Variants in C19orf25 observed in about 807,000 individuals in gnomAD.
C19orf25 encodes the protein UPF0449 protein C19orf25.
Under a neutral mutation model 3.1 loss-of-function variants are expected in C19orf25, and 1 was observed. The observed-to-expected ratio is 0.32, with a 90% CI of 0.12 to 1.54. The LOEUF (loss-of-function observed/expected upper bound fraction) is 1.54, where lower values mean the gene tolerates loss of function less well. Among genes scored for constraint, C19orf25 ranks in the 40% most tolerant of loss-of-function variants. C19orf25 has a pLI of 0.38. For missense variants in C19orf25, 196 were observed against 160.4 expected (o/e 1.22, Z -1.20); for synonymous variants, 91 against 74.3 (o/e 1.23, Z -1.16).
rs541107674 is a variant in C19orf25 at position 1,474,518 on chromosome 19, G to T, written c.*514C>A. ...CCCAGCGGCCCAGGGTCGTTGTGAA[G>T]ATCAACGTGGCTTGTGGGAGGAGCC... On this transcript the variant is annotated 3_prime_UTR_variant, in exon 3 of 3. Coordinates refer to ENST00000585675, the MANE Select transcript of C19orf25 (RefSeq NM_152482.3). 11 of 306,492 alleles carry T rather than the reference G, an allele frequency of 3.6e-5. No homozygotes were observed. The South Asian group carries it at 1.1e-3, about 30-fold the overall frequency. The allele number at this position is 306,492 out of a possible 1,614,324, so 19.0% of individuals were successfully genotyped here. A position where few individuals can be genotyped will look rare whatever the true frequency, so the allele number is the denominator to read the frequency against.
At chr19:1,478,560 C>T (rs1296695779) in intron 2 of C19orf25, 5 of 1,371,596 alleles carry the variant, frequency 3.6e-6, no homozygotes, top group South Asian at 1.7e-5. Flanking sequence ...AGGCCTGAAC[C>T]ACAGCGCCCG....
chr19:1,475,051 T>G lies in C19orf25; in HGVS notation c.338A>C (p.Glu113Ala), dbSNP rs760549850. 20 of 1,595,056 alleles carry G rather than the reference T, an allele frequency of 1.3e-5. No individual in the cohort carries two copies. In the African/African-American group the frequency reaches 2.7e-4, roughly 21 times the overall value. ...GAGAGGTCAGCCTGAGGAGGCAGCC[T>G]CGGCTGCCGGTAATGCTGCCTGCTT... ...QMKQAALPAA[E>A]AASSG is the part of the protein sequence containing the mutation. The change falls in exon 3 of 3, where the codon GAG becomes GCG. Residue 113 changes from glutamate (E) to alanine (A), a missense_variant. By Grantham distance (107) the Glu-to-Ala change is moderately radical (BLOSUM62 -1). Coordinates refer to ENST00000585675, the MANE Select transcript of C19orf25 (RefSeq NM_152482.3).
chr19:1,474,523 A>G lies in C19orf25; in HGVS notation c.*509T>C, dbSNP rs1269646157. On this transcript the variant is annotated 3_prime_UTR_variant, in exon 3 of 3. Transcript: ENST00000585675. The stretch of plus-strand genomic sequence containing the variant: ...CGGCCCAGGGTCGTTGTGAAGATCA[A>G]CGTGGCTTGTGGGAGGAGCCCGGGG... 2.5e-5 allele frequency: 8 copies of G among 314,410 alleles called. No homozygotes were observed. Among genetic ancestry groups the G allele is most frequent in the Non-Finnish European group, 4.7e-5 (8 of 169,904 alleles). The allele number at this position is 314,410 out of a possible 1,614,324, so 19.5% of individuals were successfully genotyped here.
At chr19:1,478,418 T>G (rs1599179797) in intron 2 of C19orf25, 4 of 247,014 alleles carry the variant, frequency 1.6e-5, no homozygotes, top group Non-Finnish European at 1.4e-5. Flanking sequence ...CTCTGTTTTG[T>G]TTTTGTTTTT....
chr19:1,478,730 C>A, intron 2 of C19orf25, 44 bp downstream of exon 2: 1 of 1,538,136 alleles, frequency 6.5e-7, no homozygotes, highest in Non-Finnish European at 8.8e-7. Flanking sequence ...CCCTTGCTGC[C>A]GGGGTCTCAG....
chr19:1,474,801 C>T lies in C19orf25; in HGVS notation c.*231G>A. 2.1e-6 allele frequency: 3 copies of T among 1,439,486 alleles called. No individual in the cohort carries two copies. The highest frequency in any genetic ancestry group is 2.7e-6 in the Non-Finnish European group (3 of 1,098,894). The allele number at this position is 1,439,486 out of a possible 1,614,324, so 89.2% of individuals were successfully genotyped here. ...ATAATGTCCCTATCCTCTTCCAGAA[C>T]CCCAGTGGGGCCCTCAGGTCACGCA... On this transcript the variant is annotated 3_prime_UTR_variant, in exon 3 of 3. Coordinates refer to ENST00000585675, the MANE Select transcript of C19orf25 (RefSeq NM_152482.3).
intron 1 of C19orf25, 124 bp from the exon 2 acceptor site, chr19:1,479,029 G>A: frequency 1.5e-6 from 2 of 1,364,436 alleles, no homozygotes; most frequent in African/African-American, 1.5e-5. Flanking sequence ...AGCCCGCCCT[G>A]TCCCGCCCCT....
At position 1,478,850 on chromosome 19, in the gene C19orf25, G is replaced by C. The variant is rs372612743; in HGVS notation, c.54C>G (p.Pro18=). 1.9e-6 allele frequency: 3 copies of C among 1,594,164 alleles called. No individual in the cohort carries two copies. Among genetic ancestry groups the C allele is most frequent in the African/African-American group, 1.4e-5 (1 of 73,832 alleles). The change falls in exon 2 of 3, where the codon CCC becomes CCG. Residue 18 remains proline (P), a synonymous_variant. Transcript: ENST00000585675. ...CATCCTCCAGGATCTGCTCCACCGT[G>C]GGGGGCGCTGGGCGGGTGGGCAGCA... ...RVLLPTRPAP[P]TVEQILEDVR...
rs2084186126 is a variant in C19orf25, at chr19:1,474,829, A to T, written c.*203T>A. ...CAGTGGGGCCCTCAGGTCACGCAGG[A>T]CGGAGCCAGCTGGGTGGGTCCCACC... On this transcript the variant is annotated 3_prime_UTR_variant, in exon 3 of 3. Coordinates refer to ENST00000585675, the MANE Select transcript of C19orf25 (RefSeq NM_152482.3). 5 of 1,459,888 alleles carry T rather than the reference A, an allele frequency of 3.4e-6. No homozygotes were observed. In the South Asian group the frequency reaches 6.8e-5, roughly 20 times the overall value. 90.4% of individuals were successfully genotyped at this position (1,459,888 alleles called of 1,614,324 possible). A position where few individuals can be genotyped will look rare whatever the true frequency, so the allele number is the denominator to read the frequency against.
intron 1 of C19orf25, 119 bp from the exon 2 acceptor site, chr19:1,479,024 G>A (rs1342610496): frequency 1.5e-5 from 14 of 930,852 alleles, no homozygotes; most frequent in African/African-American, 7.3e-5. Context: ...GGGGAAGCCC[G>A]CCCTGTCCCG....
rs1479562686 is a variant in C19orf25 at position 1,475,256 on chromosome 19, G to T, written c.133C>A (p.Pro45Thr). The change falls in exon 3 of 3, where the codon CCC becomes ACC. Residue 45 changes from proline (P) to threonine (T), a missense_variant and splice_region_variant. Pro to Thr is a conservative substitution (Grantham distance 38). Transcript: ENST00000585675. ...PVFTILAPED[P>T]PVPFRMMEDA... ...TCCATCATCCTGAAGGGAACTGGGG[G>T]GTCTGAGACAGGACACAGCAGCATC... The T allele has an allele frequency of 6.5e-7, 1 of 1,547,428 alleles. No homozygotes were observed. The highest frequency in any genetic ancestry group is 1.2e-5 in the South Asian group (1 of 83,974).
At chr19:1,479,017 G>A (rs2084236679) in intron 1 of C19orf25, 112 bp from the exon 2 acceptor site, 3 of 1,418,388 alleles carry the variant, frequency 2.1e-6, no homozygotes, top group Admixed American at 3.0e-5. Context: ...CGCTCCCGGG[G>A]AAGCCCGCCC....
At chr19:1,479,117 T>G (rs2084238068) in intron 1 of C19orf25, 46 bp downstream of exon 1, 1 of 1,318,482 alleles carries the variant, frequency 7.6e-7, no homozygotes, top group African/African-American at 1.5e-5. Flanking sequence ...GCTCAACCTC[T>G]GCCTCAGTTT....
At chr19:1,475,531 A>C in intron 2 of C19orf25, 8 of 418,388 alleles carry the variant, frequency 1.9e-5, no homozygotes, top group East Asian at 3.9e-5. Context: ...AAAAATACAA[A>C]TACAAAAATT....
intron 2 of C19orf25, 199 bp from the exon 3 acceptor site, chr19:1,475,457 G>C (rs889147413): frequency 1.2e-5 from 7 of 585,570 alleles, no homozygotes; most frequent in African/African-American, 1.9e-5. Context: ...GAGGCGGGAG[G>C]AACACTTGAG....
intron 2 of C19orf25, chr19:1,475,821 G>C: frequency 4.7e-6 from 1 of 211,866 alleles, no homozygotes; most frequent in Non-Finnish European, 9.3e-6. Flanking sequence ...TGACCAGGGG[G>C]ATCGGGTCAC....
At chr19:1,475,357 C>T (rs745971772) in intron 2 of C19orf25, 99 bp from the exon 3 acceptor site, 55 of 1,247,012 alleles carry the variant, frequency 4.4e-5, no homozygotes, top group Non-Finnish European at 5.7e-5. Context: ...CTGCAGTCCC[C>T]GAGTGAGCTT....
In C19orf25 at chr19:1,478,669, G is replaced by C. The variant is rs1251732922; in HGVS notation, c.130+105C>G. On this transcript the variant is annotated intron_variant, in intron 2 of 2. Coordinates refer to ENST00000585675, the MANE Select transcript of C19orf25 (RefSeq NM_152482.3). ...GGATACGGACCGTGCCCATGTTGCG[G>C]GGGTTCCCAGGGCGTGGGGTCAGGA... is the stretch of plus-strand genomic sequence containing the variant. 3 of 1,510,404 alleles carry C rather than the reference G, an allele frequency of 2.0e-6. No individual in the cohort carries two copies. The South Asian group carries it at 3.8e-5, about 19-fold the overall frequency. The allele number at this position is 1,510,404 out of a possible 1,614,324, so 93.6% of individuals were successfully genotyped here.
At chr19:1,478,419 T>A (rs2084228361) in intron 2 of C19orf25, 1 of 370,978 alleles carries the variant, frequency 2.7e-6, no homozygotes, top group African/African-American at 2.6e-5. Flanking sequence ...TCTGTTTTGT[T>A]TTTGTTTTTG....
Sources: gnomAD v4.1 joint callset for allele counts on GRCh38, gnomAD v4.1.1 for gene constraint, MANE v1.5 for transcripts, NCBI Gene and HGNC (gene_info 2026-07-23, HGNC 2026-07-21) for gene names.